Variants in ADAM12 observed in about 807,000 individuals in gnomAD.
ADAM12 encodes disintegrin and metalloproteinase domain-containing protein 12.
ADAM12 carries 70 observed loss-of-function variants against 106.4 expected under a neutral mutation model. That is an observed-to-expected ratio of 0.66 (90% CI 0.54 to 0.80). The LOEUF (loss-of-function observed/expected upper bound fraction) is 0.80, where lower values mean the gene tolerates loss of function less well. Among genes scored for constraint, ADAM12 ranks in the 30% least tolerant of loss-of-function variants. The pLI, the probability that ADAM12 is intolerant of heterozygous loss-of-function variation, is 0.00. For synonymous variants in ADAM12, 420 were observed against 433.5 expected (o/e 0.97, Z 0.39); for missense variants, 1,010 against 1,171.9 (o/e 0.86, Z 2.02).
At chr10:126,354,429 A>G (rs1185401433) in intron 1 of ADAM12, among the ~76,000 whole-genome samples, 1 of 143,470 alleles carries the variant, frequency 7.0e-6, no homozygotes, top group East Asian at 2.0e-4. Flanking sequence ...GTTACTGCAC[A>G]TGGTATCTGG....
chr10:126,238,945 G>C (rs935914147), intron 3 of ADAM12, among the ~76,000 whole-genome samples: 27 of 152,180 alleles, frequency 1.8e-4, no homozygotes, highest in African/African-American at 5.5e-4. Flanking sequence ...GCAGACAAAT[G>C]AATTATTCAT....
intron 6 of ADAM12, 27 bp from the exon 7 acceptor site, chr10:126,109,867 C>T (rs772657292): frequency 5.0e-6 from 8 of 1,605,170 alleles, no homozygotes; most frequent in Non-Finnish European, 6.8e-6. Flanking sequence ...TGCACTTAAT[C>T]TCTCTTAATG....
intron 2 of ADAM12, among the ~76,000 whole-genome samples, chr10:126,284,613 C>T (rs1959757126): frequency 1.3e-5 from 2 of 152,136 alleles, no homozygotes; most frequent in Admixed American, 1.3e-4. Context: ...GTCTCAAACT[C>T]CTATCCTCAA....
At chr10:126,030,621 C>T (rs942211247) in intron 21 of ADAM12, among the ~76,000 whole-genome samples, 7 of 152,200 alleles carry the variant, frequency 4.6e-5, no homozygotes, top group Admixed American at 1.3e-4. Context: ...CCTGTAATCA[C>T]GTGAACAACT....
intron 8 of ADAM12, among the ~76,000 whole-genome samples, chr10:126,101,990 C>T (rs953060024): frequency 3.3e-5 from 5 of 152,152 alleles, no homozygotes; most frequent in Non-Finnish European, 5.9e-5. Context: ...CCCCTGCCTG[C>T]CCCCACCATC....
chr10:126,387,054 A>G (rs1856686891), intron 1 of ADAM12, among the ~76,000 whole-genome samples: 1 of 152,214 alleles, frequency 6.6e-6, no homozygotes, highest in African/African-American at 2.4e-5. Context: ...CGTATCATAA[A>G]GTGGTAACGG....
chr10:126,035,863 A>G (rs1954050349), intron 21 of ADAM12, among the ~76,000 whole-genome samples: 2 of 152,136 alleles, frequency 1.3e-5, no homozygotes, highest in Admixed American at 1.3e-4. Flanking sequence ...TCCCTCTGCT[A>G]TTCTCAATAG....
chr10:126,071,709 GCCCTTCTTGTGC>G, intron 11 of ADAM12, 55 bp from the exon 12 acceptor site: 4 of 1,589,774 alleles, frequency 2.5e-6, no homozygotes, highest in Non-Finnish European at 3.4e-6. Flanking sequence ...GGCTTTGTCT[GCCCTTCTTGTGC>G]CCACAAGAAG....
chr10:126,266,087 G>A (rs1959090174), intron 3 of ADAM12, among the ~76,000 whole-genome samples: 1 of 152,128 alleles, frequency 6.6e-6, no homozygotes, highest in Admixed American at 6.6e-5. Context: ...GCACACAGGC[G>A]ATGGGTACAT....
At chr10:126,287,071 G>A (rs1483700715) in intron 2 of ADAM12, among the ~76,000 whole-genome samples, 1 of 152,122 alleles carries the variant, frequency 6.6e-6, no homozygotes, top group Admixed American at 6.5e-5. Flanking sequence ...TCTTTGTCCC[G>A]TCGCTACCGG....
At chr10:126,192,063 G>A (rs574566635) in intron 3 of ADAM12, among the ~76,000 whole-genome samples, 9 of 152,170 alleles carry the variant, frequency 5.9e-5, no homozygotes, top group East Asian at 5.8e-4. Context: ...GTCTGCCCCC[G>A]GCCCCATCCA....
chr10:126,080,634 C>CT (rs1955194224), intron 11 of ADAM12, among the ~76,000 whole-genome samples: 2 of 152,172 alleles, frequency 1.3e-5, no homozygotes, highest in South Asian at 2.1e-4. Context: ...GTTAGCCTTG[C>CT]TTTCCTTTTT....
At chr10:126,266,086 C>T (rs578237677) in intron 3 of ADAM12, among the ~76,000 whole-genome samples, 51 of 152,198 alleles carry the variant, frequency 3.4e-4, no homozygotes, top group African/African-American at 1.1e-3. Context: ...TGCACACAGG[C>T]GATGGGTACA....
intron 3 of ADAM12, among the ~76,000 whole-genome samples, chr10:126,274,944 T>C (rs1181498926): frequency 6.6e-6 from 1 of 152,238 alleles, no homozygotes; most frequent in Admixed American, 6.5e-5. Context: ...TCTGTTATTG[T>C]TCTAGAGTGA....
intron 1 of ADAM12, among the ~76,000 whole-genome samples, chr10:126,333,574 T>A (rs1211906729): frequency 6.6e-6 from 1 of 152,112 alleles, no homozygotes; most frequent in Non-Finnish European, 1.5e-5. Context: ...CACCTTGACT[T>A]TGGGGAAGTT....
At chr10:126,115,110 T>C (rs1172932294) in intron 6 of ADAM12, among the ~76,000 whole-genome samples, 1 of 152,206 alleles carries the variant, frequency 6.6e-6, no homozygotes, top group Non-Finnish European at 1.5e-5. Flanking sequence ...CTGTCCTATA[T>C]GTACACAGTA....
chr10:126,217,901 GGAGGTA>G (rs1794966857), intron 3 of ADAM12, among the ~76,000 whole-genome samples: 1 of 151,564 alleles, frequency 6.6e-6, no homozygotes, highest in African/African-American at 2.4e-5. Flanking sequence ...CTTGAACCCG[GGAGGTA>G]GAGGTTGTAG....
Position 126,066,557 on chromosome 10 carries a change from G to C in ADAM12, c.1413+160C>G, listed in dbSNP as rs1954872581. ...TCACCCCAAGATTGGAAGCTAAACAGTAAGAGGTGGGTAACACCAACTGGC... is the reference window on the plus strand; with the variant it reads ...TCACCCCAAGATTGGAAGCTAAACACTAAGAGGTGGGTAACACCAACTGGC... On this transcript the variant is annotated intron_variant, in intron 13 of 22. Coordinates refer to ENST00000448723, the MANE Select transcript of ADAM12 (RefSeq NM_001288973.2). This position sits in a 1 kb window ranked among gnomAD's most constrained non-coding sequence, Gnocchi z 5.1. Among the ~76,000 whole-genome samples the C allele has an allele frequency of 6.6e-6, 1 of 152,214 alleles. No homozygotes were observed. Among genetic ancestry groups the C allele is most frequent in the African/African-American group, 2.4e-5 (1 of 41,446 alleles).
chr10:126,247,861 A>G (rs1198147611), intron 3 of ADAM12, among the ~76,000 whole-genome samples: 1 of 152,224 alleles, frequency 6.6e-6, no homozygotes. Context: ...AACGCCAAGA[A>G]ATAAAAACAA....
Sources: allele counts gnomAD v4.1 joint callset (sites outside exome capture counted in the v4.1 genomes callset), GRCh38; gene constraint gnomAD v4.1.1; non-coding constraint Gnocchi (gnomAD v3.1); transcripts MANE v1.5; gene names NCBI Gene and HGNC (gene_info 2026-07-23, HGNC 2026-07-21).